Variants in GBE1 observed in about 807,000 individuals in gnomAD.
The protein encoded by GBE1 is 1,4-alpha-glucan-branching enzyme.
GBE1 carries 70 observed loss-of-function variants against 88.8 expected under a neutral mutation model. The ratio of observed to expected loss-of-function variants is 0.79; its 90% CI spans 0.65 to 0.96. The LOEUF (loss-of-function observed/expected upper bound fraction) is 0.96, where lower values mean the gene tolerates loss of function less well. Ranked by LOEUF, GBE1 falls within the 40% of genes least tolerant of loss-of-function variation. The pLI is 0.00. For synonymous variants in GBE1, 284 were observed against 300.1 expected (o/e 0.95, Z 0.56); for missense variants, 872 against 871.0 (o/e 1.00, Z -0.01).
chr3:81,577,525 A>C (rs1302086205), intron 12 of GBE1, among the ~76,000 whole-genome samples: 1 of 152,152 alleles, frequency 6.6e-6, no homozygotes, highest in Non-Finnish European at 1.5e-5. Context: ...TACTGGTATA[A>C]AATTATCTCA....
rs72906280 is a variant in GBE1, at chr3:81,708,330, C to G, written c.144-2717G>C. 3.1e-3 allele frequency among the ~76,000 whole-genome samples: 464 copies of G among 151,910 alleles called. 4 individuals are homozygous for G. The highest frequency in any genetic ancestry group is 0.011 in the African/African-American group (446 of 41,476). ...TAGATCTCTAAAACCAAAATAACTT[C>G]CAGAGAAATCAAATTTATAAACTTT... On this transcript the variant is annotated intron_variant, in intron 1 of 15. Transcript: ENST00000429644.
At chr3:81,643,065 T>C in intron 6 of GBE1, 75 bp from the exon 7 acceptor site, 2 of 972,190 alleles carry the variant, frequency 2.1e-6, no homozygotes, top group Non-Finnish European at 3.2e-6. Context: ...AGCAATTGTT[T>C]CACCATCGCA....
At chr3:81,748,375 GC>G (rs1346457739) in intron 1 of GBE1, among the ~76,000 whole-genome samples, 1 of 152,076 alleles carries the variant, frequency 6.6e-6, no homozygotes, top group African/African-American at 2.4e-5. Flanking sequence ...ACTTTGGAAG[GC>G]CGAGGAGGGC....
At chr3:81,731,991 C>T (rs1337126050) in intron 1 of GBE1, among the ~76,000 whole-genome samples, 2 of 152,030 alleles carry the variant, frequency 1.3e-5, no homozygotes, top group African/African-American at 4.8e-5. Flanking sequence ...AATTATTATA[C>T]AAAAACTATT....
chr3:81,511,979 TGTG>T (rs1702731919), intron 14 of GBE1, among the ~76,000 whole-genome samples: 1 of 151,444 alleles, frequency 6.6e-6, no homozygotes, highest in Non-Finnish European at 1.5e-5. Flanking sequence ...ATAAAGAAAA[TGTG>T]GTATATGTAT....
Position 81,586,319 on chromosome 3 carries a change from C to T in GBE1, c.1237-129G>A, listed in dbSNP as rs538958539. On this transcript the variant is annotated intron_variant, in intron 9 of 15. Transcript: ENST00000429644. Reference sequence around the variant, plus strand: ...TGGGCTGCTTTGGTAACATAAAAGTCGATAAAATTGTGATAGCATATCTCA... The same window carrying T: ...TGGGCTGCTTTGGTAACATAAAAGTTGATAAAATTGTGATAGCATATCTCA... 2.5e-5 allele frequency: 15 copies of T among 594,676 alleles called. No homozygotes were observed. In the East Asian group the frequency reaches 3.7e-4, roughly 14 times the overall value. The allele number at this position is 594,676 out of a possible 1,614,324, so 36.8% of individuals were successfully genotyped here.
chr3:81,646,335 G>T, intron 6 of GBE1, 57 bp downstream of exon 6: 2 of 1,106,670 alleles, frequency 1.8e-6, no homozygotes, highest in Non-Finnish European at 2.7e-6. Context: ...ATTTCATTTT[G>T]TTTCTTTAAA....
intron 1 of GBE1, among the ~76,000 whole-genome samples, chr3:81,755,614 T>G (rs1706591520): frequency 1.3e-5 from 2 of 152,136 alleles, no homozygotes; most frequent in Admixed American, 1.3e-4. Flanking sequence ...CTACAGTATA[T>G]ATACACAATG....
intron 2 of GBE1, among the ~76,000 whole-genome samples, chr3:81,673,655 TAAGC>T (rs2107118670): frequency 6.6e-6 from 1 of 152,082 alleles, no homozygotes; most frequent in African/African-American, 2.4e-5. Context: ...ATTATTTAAA[TAAGC>T]AAAGTATTAA....
intron 12 of GBE1, among the ~76,000 whole-genome samples, chr3:81,562,156 G>T (rs549443327): frequency 1.1e-3 from 166 of 152,174 alleles, no homozygotes; most frequent in African/African-American, 3.9e-3. Context: ...GCCTGGCTCA[G>T]CAGTAGGTGC....
At chr3:81,564,451 G>A (rs1332759394) in intron 12 of GBE1, among the ~76,000 whole-genome samples, 1 of 152,006 alleles carries the variant, frequency 6.6e-6, no homozygotes, top group Non-Finnish European at 1.5e-5. Flanking sequence ...GTATTTCCGG[G>A]GCATCCTATC....
chr3:81,549,854 T>C (rs1376657838), intron 12 of GBE1, among the ~76,000 whole-genome samples: 2 of 151,504 alleles, frequency 1.3e-5, no homozygotes, highest in Non-Finnish European at 3.0e-5. Context: ...AATGGGAAAC[T>C]GGAGAGAGAA....
At chr3:81,635,211 G>A (rs1704575404) in intron 7 of GBE1, among the ~76,000 whole-genome samples, 1 of 152,094 alleles carries the variant, frequency 6.6e-6, no homozygotes, top group Non-Finnish European at 1.5e-5. Flanking sequence ...AGTAGACAAG[G>A]AACCAAATCC....
chr3:81,739,006 A>G (rs967833335), intron 1 of GBE1, among the ~76,000 whole-genome samples: 4 of 152,152 alleles, frequency 2.6e-5, no homozygotes, highest in African/African-American at 7.2e-5. Flanking sequence ...ATAGTTTCAT[A>G]GTTGGTGCCT....
chr3:81,519,968 C>T (rs1702850699), intron 14 of GBE1, among the ~76,000 whole-genome samples: 1 of 151,476 alleles, frequency 6.6e-6, no homozygotes, highest in African/African-American at 2.4e-5. Context: ...AATAATACCA[C>T]CATTGCTACC....
intron 1 of GBE1, among the ~76,000 whole-genome samples, chr3:81,734,035 A>G: frequency 6.6e-6 from 1 of 152,218 alleles, no homozygotes; most frequent in East Asian, 1.9e-4. Context: ...GATTAAGAGC[A>G]TTAGGTATAA....
chr3:81,556,534 A>G (rs550183318), intron 12 of GBE1, among the ~76,000 whole-genome samples: 125 of 152,210 alleles, frequency 8.2e-4, no homozygotes, highest in Non-Finnish European at 1.6e-3. Flanking sequence ...ACAGATGTCA[A>G]GACTCATGAA....
At chr3:81,628,831 T>A (rs898411908) in intron 7 of GBE1, among the ~76,000 whole-genome samples, 3 of 141,132 alleles carry the variant, frequency 2.1e-5, no homozygotes, top group African/African-American at 5.2e-5. Flanking sequence ...AATCCCAGGA[T>A]AACTAAATTT....
At chr3:81,496,764 C>T (rs568785657) in intron 15 of GBE1, among the ~76,000 whole-genome samples, 2 of 152,202 alleles carry the variant, frequency 1.3e-5, no homozygotes, top group African/African-American at 2.4e-5. Context: ...AAAGAAAACC[C>T]GTTTGTCTAG....
Sources: gnomAD v4.1 joint callset for allele counts (sites outside exome capture counted in the v4.1 genomes callset) on GRCh38, gnomAD v4.1.1 for gene constraint, MANE v1.5 for transcripts, NCBI Gene and HGNC (gene_info 2026-07-23, HGNC 2026-07-21) for gene names.